LGSN: variants seen among roughly 807,000 people sequenced by gnomAD.
LGSN encodes the protein lengsin.
A neutral mutation model predicts 19.5 loss-of-function variants in LGSN; 21 were observed. The observed-to-expected ratio is 1.07, with a 90% CI of 0.76 to 1.55. The LOEUF (loss-of-function observed/expected upper bound fraction) is 1.55. LGSN is among the 40% of genes most tolerant of loss of function. LGSN has a pLI of 0.00. For missense variants in LGSN, 673 were observed against 608.5 expected (o/e 1.11, Z -1.12); for synonymous variants, 257 against 215.6 (o/e 1.19, Z -1.68).
the LGSN span, among the ~76,000 whole-genome samples, chr6:63,412,529 G>GAAAGAAAGAAGGAAAGAAAGAAAGAAA: frequency 3.7e-4 from 12 of 32,394 alleles, no homozygotes; most frequent in East Asian, 1.0e-3. Context: ...AAAGAAAGAA[G>GAAAGAAAGAAGGAAAGAAAGAAAGAAA]GAAAGAAAGA....
At chr6:63,283,347 C>T (rs1480796247) in intron 3 of LGSN, among the ~76,000 whole-genome samples, 1 of 152,010 alleles carries the variant, frequency 6.6e-6, no homozygotes, top group Non-Finnish European at 1.5e-5. Context: ...AAAATTTTTG[C>T]AGAATAACTT....
At chr6:63,435,488 C>T in the LGSN span, among the ~76,000 whole-genome samples, 2 of 152,118 alleles carry the variant, frequency 1.3e-5, no homozygotes, top group African/African-American at 2.4e-5. Flanking sequence ...ACTGAATGGT[C>T]GCATCTCTCA....
chr6:63,496,127 G>T, the LGSN span, among the ~76,000 whole-genome samples: 2 of 152,062 alleles, frequency 1.3e-5, no homozygotes, highest in African/African-American at 4.8e-5. Context: ...GATTTCACAT[G>T]TTGGCCAGGC....
the LGSN span, among the ~76,000 whole-genome samples, chr6:63,404,139 G>T: frequency 1.3e-5 from 2 of 152,116 alleles, no homozygotes; most frequent in Non-Finnish European, 2.9e-5. Flanking sequence ...TTAAGCGAAG[G>T]ACCTAGCTAA....
At chr6:63,453,744 C>T in the LGSN span, among the ~76,000 whole-genome samples, 1 of 152,106 alleles carries the variant, frequency 6.6e-6, no homozygotes, top group Non-Finnish European at 1.5e-5. Flanking sequence ...AGCTCCGCCT[C>T]CCGGGTTCAC....
the LGSN span, among the ~76,000 whole-genome samples, chr6:63,545,758 G>A: frequency 1.9e-4 from 29 of 152,022 alleles, no homozygotes; most frequent in South Asian, 6.0e-3. Flanking sequence ...ATTATTAGAC[G>A]TGCTCAAAAT....
At chr6:63,426,772 C>G in the LGSN span, among the ~76,000 whole-genome samples, 1 of 152,214 alleles carries the variant, frequency 6.6e-6, no homozygotes, top group South Asian at 2.1e-4. Context: ...GCCTTGGCCT[C>G]CTAAAGCACT....
At chr6:63,405,303 T>G in the LGSN span, among the ~76,000 whole-genome samples, 1 of 151,982 alleles carries the variant, frequency 6.6e-6, no homozygotes, top group Admixed American at 6.6e-5. Flanking sequence ...TGATTTATAG[T>G]CCTTTGGGTA....
chr6:63,382,574 A>G, the LGSN span, among the ~76,000 whole-genome samples: 950 of 152,340 alleles, frequency 6.2e-3, 4 homozygotes, highest in Non-Finnish European at 9.1e-3. Context: ...GGTAAAGCCA[A>G]TCATTTGACC....
chr6:63,295,169 G>T, intron 1 of LGSN, 124 bp from the exon 2 acceptor site: 3 of 870,780 alleles, frequency 3.4e-6, no homozygotes, highest in Non-Finnish European at 3.5e-6. Context: ...TTATAATGAT[G>T]AAAATTTTGT....
chr6:63,561,151 A>G, the LGSN span, among the ~76,000 whole-genome samples: 1 of 152,236 alleles, frequency 6.6e-6, no homozygotes. Context: ...CCATGAGTAC[A>G]GCCTAACAGA....
chr6:63,345,553 A>G, the LGSN span, among the ~76,000 whole-genome samples: 2 of 152,066 alleles, frequency 1.3e-5, no homozygotes, highest in African/African-American at 4.8e-5. Context: ...ATGTCTTATT[A>G]CTCCACCAAT....
At chr6:63,364,798 A>G in the LGSN span, among the ~76,000 whole-genome samples, 3 of 152,228 alleles carry the variant, frequency 2.0e-5, no homozygotes, top group African/African-American at 7.2e-5. Flanking sequence ...AAAACTGCTC[A>G]ACTACATGGA....
the LGSN span, among the ~76,000 whole-genome samples, chr6:63,531,618 T>C: frequency 1.3e-5 from 2 of 150,868 alleles, no homozygotes; most frequent in African/African-American, 2.4e-5. Context: ...TCCTCCTGAG[T>C]AGCTGGGACT....
the LGSN span, among the ~76,000 whole-genome samples, chr6:63,503,105 T>C: frequency 1.3e-5 from 2 of 152,230 alleles, no homozygotes; most frequent in Admixed American, 6.5e-5. Context: ...TATAAAATTA[T>C]TGTATTCATC....
the LGSN span, among the ~76,000 whole-genome samples, chr6:63,373,056 A>G: frequency 6.6e-6 from 1 of 152,184 alleles, no homozygotes; most frequent in Non-Finnish European, 1.5e-5. Flanking sequence ...CATTTCATAA[A>G]ATAATCTATC....
At chr6:63,495,433 ATCT>A in the LGSN span, among the ~76,000 whole-genome samples, 2 of 140,626 alleles carry the variant, frequency 1.4e-5, no homozygotes, top group Non-Finnish European at 3.1e-5. Flanking sequence ...AGATACTTAA[ATCT>A]TCTTTCTTTT....
chr6:63,460,100 C>CTTTTTTTTTTTT, the LGSN span, among the ~76,000 whole-genome samples: 52 of 56,142 alleles, frequency 9.3e-4, no homozygotes, highest in South Asian at 1.9e-3. Flanking sequence ...ATTTCATTCC[C>CTTTTTTTTTTTT]TTTTTTTTTT....
chr6:63,513,933 A>C, the LGSN span, among the ~76,000 whole-genome samples: 3 of 48,034 alleles, frequency 6.2e-5, no homozygotes, highest in African/African-American at 1.3e-4. Context: ...AAAAAAAAAA[A>C]AAACACTGGA....
Sources: allele counts gnomAD v4.1 joint callset (sites outside exome capture counted in the v4.1 genomes callset), GRCh38; gene constraint gnomAD v4.1.1; transcripts MANE v1.5; gene names NCBI Gene and HGNC (gene_info 2026-07-23, HGNC 2026-07-21).